The following PLAGL1 variants were observed in gnomAD, a reference collection of about 807,000 sequenced individuals.
The protein encoded by PLAGL1 is zinc finger protein PLAGL1.
Under a neutral mutation model 4.6 loss-of-function variants are expected in PLAGL1, and 1 was observed. That is an observed-to-expected ratio of 0.22 (90% CI 0.08 to 1.03). PLAGL1 has a LOEUF of 1.03. Ranked by LOEUF, PLAGL1 falls within the 50% of genes least tolerant of loss-of-function variation. The probability of loss-of-function intolerance (pLI) is 0.58; values close to 1 mark genes in which losing one functional copy is unlikely to be tolerated. For missense variants in PLAGL1, 464 were observed against 570.4 expected, an observed-to-expected ratio of 0.81 and a Z score of 1.90; for synonymous variants, 240 against 237.8, an observed-to-expected ratio of 1.01 and a Z score of -0.08.
Position 143,968,572 on chromosome 6 carries a change from A to C in PLAGL1, c.-472+335T>G, listed in dbSNP as rs1384968236. ...TAGTGAGCAAGTCATGATAAGTAAA[A>C]ATCAACTGTACAATGCCCATGATTT... On this transcript the variant is annotated intron_variant, in intron 3 of 7. Coordinates refer to ENST00000674357, the MANE Select transcript of PLAGL1 (RefSeq NM_001317162.2). This position sits in a 1 kb window ranked among gnomAD's most constrained non-coding sequence, Gnocchi z 6.3. 6.6e-6 allele frequency: 1 copy of C among 152,226 alleles called. No homozygotes were observed. The highest frequency in any genetic ancestry group is 1.5e-5 in the Non-Finnish European group (1 of 68,040). The allele number at this position is 152,226 out of a possible 1,614,324, so 9.4% of individuals were successfully genotyped here. A position where few individuals can be genotyped will look rare whatever the true frequency, so the allele number is the denominator to read the frequency against.
In PLAGL1 at chr6:143,962,403, A is replaced by C. The variant is rs1252906369; in HGVS notation, c.-398-1861T>G. On this transcript the variant is annotated intron_variant, in intron 5 of 7. Coordinates refer to ENST00000674357, the MANE Select transcript of PLAGL1 (RefSeq NM_001317162.2). This position sits in a 1 kb window ranked among gnomAD's most constrained non-coding sequence, Gnocchi z 5.3. ...TATAAAATTAAACAATCCTAAAGAT[A>C]AATGTTTCCGAGTTCCAGAGTAACA... is the stretch of plus-strand genomic sequence containing the variant. Among the ~76,000 whole-genome samples the C allele has an allele frequency of 6.6e-6, 1 of 152,234 alleles. No individual in the cohort carries two copies. Among genetic ancestry groups the C allele is most frequent in the Non-Finnish European group, 1.5e-5 (1 of 68,034 alleles).
At chr6:144,030,468 C>A (rs1434028018) in intron 1 of PLAGL1, among the ~76,000 whole-genome samples, 1 of 152,008 alleles carries the variant, frequency 6.6e-6, no homozygotes, top group African/African-American at 2.4e-5. Context: ...ACACTTTACC[C>A]AATGTGTAGT....
upstream of PLAGL1, among the ~76,000 whole-genome samples, chr6:144,012,061 G>A (rs1795227756): frequency 6.6e-6 from 1 of 152,126 alleles, no homozygotes; most frequent in South Asian, 2.1e-4. The surrounding 1 kb of genome is among the most constrained non-coding windows in gnomAD (Gnocchi z 4.8). Flanking sequence ...GGCAGACATA[G>A]GTTCATCTGG....
chr6:144,060,984 T>A (rs558836296), intron 1 of PLAGL1, among the ~76,000 whole-genome samples: 10 of 152,338 alleles, frequency 6.6e-5, no homozygotes, highest in African/African-American at 2.4e-4. Flanking sequence ...ATATATGACT[T>A]CCTTATAGCT....
rs1787410568 is a variant in PLAGL1 at position 143,979,440 on chromosome 6, C to G, written c.-544+5695G>C. ...TTATTCTTTGTTCCTTTTCTTTCTT[C>G]TTTTGAATTGATTATTTTTCTCTAG... On this transcript the variant is annotated intron_variant, in intron 2 of 7. Transcript: ENST00000674357. This position sits in a 1 kb window ranked among gnomAD's most constrained non-coding sequence, Gnocchi z 4.6. Among the ~76,000 whole-genome samples, 1 of 152,032 alleles carries G rather than the reference C, an allele frequency of 6.6e-6. No homozygotes were observed. Among genetic ancestry groups the G allele is most frequent in the South Asian group, 2.1e-4 (1 of 4,818 alleles).
At chr6:143,977,985 C>A (rs1787092667) in intron 2 of PLAGL1, among the ~76,000 whole-genome samples, 1 of 152,198 alleles carries the variant, frequency 6.6e-6, no homozygotes, top group African/African-American at 2.4e-5. Flanking sequence ...TTATACTATT[C>A]TCTTACTAAT....
In PLAGL1 at chr6:144,053,285, C is replaced by G. The variant is rs532033594; in HGVS notation, c.-151+11183G>C. Among the ~76,000 whole-genome samples, 1 of 152,304 alleles carries G rather than the reference C, an allele frequency of 6.6e-6. No individual in the cohort carries two copies. Among genetic ancestry groups the G allele is most frequent in the South Asian group, 2.1e-4 (1 of 4,824 alleles). ...GAGTACCTGGGATTACAGGCATGCA[C>G]CATCATGCCGAGCTAATTTTTGTAT... On this transcript the variant is annotated intron_variant, in intron 1 of 3. Transcript: ENST00000437412. This position sits in a 1 kb window ranked among gnomAD's most constrained non-coding sequence, Gnocchi z 4.0.
intron 1 of PLAGL1, among the ~76,000 whole-genome samples, chr6:144,003,330 A>C (rs1371885725): frequency 2.0e-5 from 3 of 152,192 alleles, no homozygotes; most frequent in Non-Finnish European, 4.4e-5. Flanking sequence ...ATGTCTTCAA[A>C]ATCTTGAGAG....
intron 1 of PLAGL1, among the ~76,000 whole-genome samples, chr6:143,987,866 G>A (rs970901588): frequency 9.9e-5 from 15 of 152,248 alleles, no homozygotes; most frequent in East Asian, 3.9e-4. Flanking sequence ...AGATGTCAAC[G>A]TTCTAAGAAT....
chr6:143,969,583 G>A (rs1034408990), intron 2 of PLAGL1, among the ~76,000 whole-genome samples: 3 of 151,094 alleles, frequency 2.0e-5, no homozygotes, highest in Non-Finnish European at 2.9e-5. Context: ...GCAGGAGTTT[G>A]AGACCAGCCT....
At chr6:144,049,163 C>T (rs921431858) in intron 1 of PLAGL1, among the ~76,000 whole-genome samples, 1 of 152,236 alleles carries the variant, frequency 6.6e-6, no homozygotes, top group African/African-American at 2.4e-5. Context: ...TCCTTATCTT[C>T]ATCTGAGACC....
At chr6:143,951,103 A>G (rs2268443) in intron 6 of PLAGL1, among the ~76,000 whole-genome samples, 70,371 of 146,902 alleles carry the variant, frequency 0.48, 19,878 homozygotes, top group African/African-American at 0.79. Flanking sequence ...TCAAATTCCA[A>G]CTTACCCATG....
intron 6 of PLAGL1, among the ~76,000 whole-genome samples, chr6:143,956,673 G>A (rs992219664): frequency 2.0e-5 from 3 of 152,212 alleles, no homozygotes; most frequent in Non-Finnish European, 4.4e-5. Context: ...ATTGAGTCAA[G>A]CCTAGCCCCT....
Position 144,015,794 on chromosome 6 carries a change from T to C in PLAGL1, c.-150-46816A>G, listed in dbSNP as rs1365508412. 3.9e-5 allele frequency among the ~76,000 whole-genome samples: 6 copies of C among 152,224 alleles called. No individual in the cohort carries two copies. The highest frequency in any genetic ancestry group is 1.3e-4 in the Admixed American group (2 of 15,288). On this transcript the variant is annotated intron_variant, in intron 1 of 3. Coordinates refer to the PLAGL1 transcript ENST00000437412. This position sits in a 1 kb window ranked among gnomAD's most constrained non-coding sequence, Gnocchi z 4.3. ...CATTGCTAGAAGAAATATAAAATGA[T>C]ACAGCCACTTTGGAAAACAGTTTGA... is the stretch of plus-strand genomic sequence containing the variant.
At position 143,989,731 on chromosome 6, in the gene PLAGL1, C is replaced by T. The variant is rs1388689428; in HGVS notation, c.-583-4557G>A. Among the ~76,000 whole-genome samples the T allele has an allele frequency of 6.6e-6, 1 of 152,202 alleles. No homozygotes were observed. The highest frequency in any genetic ancestry group is 1.5e-5 in the Non-Finnish European group (1 of 68,026). ...ATATATGTATCCATGGGTAAACATA[C>T]ATACACTCTAACTCTGCCAACTCAA... On this transcript the variant is annotated intron_variant, in intron 1 of 7. Coordinates refer to ENST00000674357, the MANE Select transcript of PLAGL1 (RefSeq NM_001317162.2). This position sits in a 1 kb window ranked among gnomAD's most constrained non-coding sequence, Gnocchi z 4.8.
intron 6 of PLAGL1, among the ~76,000 whole-genome samples, chr6:143,951,479 A>T (rs190707413): frequency 6.6e-6 from 1 of 152,388 alleles, no homozygotes; most frequent in East Asian, 1.9e-4. Flanking sequence ...AGCAGATGTA[A>T]ACCTTGACTC....
rs749424025 is a variant in PLAGL1, at chr6:143,941,590, TCCCCAGG to T, written c.1219_1225del (p.Pro407AsnfsTer7). On this transcript the variant is annotated frameshift_variant, in exon 8 of 8. Coordinates refer to ENST00000674357, the MANE Select transcript of PLAGL1 (RefSeq NM_001317162.2). LOFTEE classifies it low-confidence loss of function (END_TRUNC). This position sits in a 1 kb window ranked among gnomAD's most constrained non-coding sequence, Gnocchi z 6.0. ...ACAGCTTAACCTGTGGGGCAAAGAT[TCCCCAGG>T]CCCCAGGGCAAGAGTGCTATTCCCA... The T allele has an allele frequency of 1.2e-6, 2 of 1,608,890 alleles. No individual in the cohort carries two copies. Among genetic ancestry groups the T allele is most frequent in the South Asian group, 1.1e-5 (1 of 90,540 alleles).
rs1300164884 is a variant in PLAGL1, at chr6:143,942,937, C to T, written c.153-274G>A. On this transcript the variant is annotated intron_variant, in intron 7 of 7. Transcript: ENST00000674357. The surrounding 1 kb of genome is among the most constrained non-coding windows in gnomAD (Gnocchi z 7.6). Reference sequence around the variant, plus strand: ...CTGGAGTGCAGTGGCACGATCATGGCTCACTGCAGCCTCAACGTCCTGGGC... The same window carrying T: ...CTGGAGTGCAGTGGCACGATCATGGTTCACTGCAGCCTCAACGTCCTGGGC... Among the ~76,000 whole-genome samples the T allele has an allele frequency of 6.6e-6, 1 of 152,024 alleles. No homozygotes were observed. The highest frequency in any genetic ancestry group is 1.5e-5 in the Non-Finnish European group (1 of 68,018).
chr6:143,952,420 C>T lies in PLAGL1; in HGVS notation c.-324-3960G>A, dbSNP rs1013406503. ...CACCCTAGAAAGATAGTAAGTCTTA[C>T]CCCAAAACATCTCAGGACATAATTT... is the stretch of plus-strand genomic sequence containing the variant. On this transcript the variant is annotated intron_variant, in intron 6 of 7. Transcript: ENST00000674357. The surrounding 1 kb of genome is among the most constrained non-coding windows in gnomAD (Gnocchi z 6.1). Among the ~76,000 whole-genome samples the T allele has an allele frequency of 1.3e-5, 2 of 152,150 alleles. No homozygotes were observed. Among genetic ancestry groups the T allele is most frequent in the Non-Finnish European group, 2.9e-5 (2 of 68,034 alleles).
Sources: gnomAD v4.1 joint callset for allele counts (sites outside exome capture counted in the v4.1 genomes callset) on GRCh38, gnomAD v4.1.1 for gene constraint, Gnocchi (gnomAD v3.1) non-coding constraint, MANE v1.5 for transcripts, NCBI Gene and HGNC (gene_info 2026-07-23, HGNC 2026-07-21) for gene names.